The following CELF2 variants were observed in gnomAD, a reference collection of about 807,000 sequenced individuals.
CELF2 encodes the protein CUG triplet repeat RNA-binding protein 2.
CELF2 carries 8 observed loss-of-function variants against 62.6 expected under a neutral mutation model. That is an observed-to-expected ratio of 0.13 (90% CI 0.07 to 0.23). CELF2 has a LOEUF of 0.23. CELF2 is among the 10% of genes least tolerant of loss of function. The pLI is 1.00. For missense variants in CELF2, 333 were observed against 671.0 expected (o/e 0.50, Z 5.56); for synonymous variants, 258 against 250.0 (o/e 1.03, Z -0.30).
Position 11,165,648 on chromosome 10 carries a change from C to G in CELF2, c.237C>G (p.Leu79=). The G allele has an allele frequency of 6.2e-7, 1 of 1,614,064 alleles. No homozygotes were observed. Among genetic ancestry groups the G allele is most frequent in the Non-Finnish European group, 8.5e-7 (1 of 1,179,958 alleles). ...PYGAVYQINV[L]RDRSQNPPQS... ...GAGCCGTCTACCAGATCAACGTCCT[C>G]CGGGACCGGAGTCAGAACCCTCCGC... is the stretch of plus-strand genomic sequence containing the variant. The change falls in exon 2 of 13, where the codon CTC becomes CTG. Residue 79 remains leucine, a synonymous_variant. Transcript: ENST00000633077. This position sits in a 1 kb window ranked among gnomAD's most constrained non-coding sequence, Gnocchi z 7.4.
intron 2 of CELF2, among the ~76,000 whole-genome samples, chr10:11,215,002 T>C (rs1315186059): frequency 6.6e-6 from 1 of 152,216 alleles, no homozygotes; most frequent in Non-Finnish European, 1.5e-5. Context: ...CTTCAATCTG[T>C]CCGTTTCTGA....
In CELF2 at chr10:11,321,669, C is replaced by T. The variant is rs545940800; in HGVS notation, c.1294+283C>T. ...CTGTGACTAGCCACTGCACTCCATT[C>T]GGGGAACACAGACATACCCCTCTCT... On this transcript the variant is annotated intron_variant, in intron 11 of 12. Coordinates refer to ENST00000633077, the MANE Select transcript of CELF2 (RefSeq NM_001326342.2). This position sits in a 1 kb window ranked among gnomAD's most constrained non-coding sequence, Gnocchi z 6.2. Among the ~76,000 whole-genome samples the T allele has an allele frequency of 3.9e-5, 6 of 152,144 alleles. No individual in the cohort carries two copies. The highest frequency in any genetic ancestry group is 2.1e-4 in the South Asian group (1 of 4,832).
chr10:10,752,704 A>AG, the CELF2 span, among the ~76,000 whole-genome samples: 2 of 144,960 alleles, frequency 1.4e-5, no homozygotes, highest in African/African-American at 5.0e-5. Context: ...AAAAAAAAAA[A>AG]AAAGAAAGAA....
chr10:10,905,961 T>G (rs2063310539), intron 1 of CELF2, among the ~76,000 whole-genome samples: 1 of 151,656 alleles, frequency 6.6e-6, no homozygotes, highest in Non-Finnish European at 1.5e-5. Flanking sequence ...GTCCCAGCTA[T>G]CAGGGCACCT....
the CELF2 span, among the ~76,000 whole-genome samples, chr10:10,549,794 G>C: frequency 6.6e-6 from 1 of 152,218 alleles, no homozygotes; most frequent in African/African-American, 2.4e-5. Flanking sequence ...CTGAGGTACT[G>C]AGGGTTAAGA....
At chr10:10,828,701 G>C (rs1340086578) in intron 1 of CELF2, among the ~76,000 whole-genome samples, 1 of 77,656 alleles carries the variant, frequency 1.3e-5, no homozygotes, top group Non-Finnish European at 2.7e-5. Context: ...AAATGGATTT[G>C]GTCACTCATT....
chr10:10,747,021 C>T, the CELF2 span, among the ~76,000 whole-genome samples: 1 of 152,174 alleles, frequency 6.6e-6, no homozygotes, highest in Non-Finnish European at 1.5e-5. Context: ...CTCTGGCTTC[C>T]TTGAAGTAAG....
intron 1 of CELF2, among the ~76,000 whole-genome samples, chr10:11,116,649 G>A (rs1028332423): frequency 1.3e-5 from 2 of 152,232 alleles, no homozygotes; most frequent in African/African-American, 4.8e-5. Flanking sequence ...TGGATGTCCA[G>A]TGGTGGTCCC....
chr10:10,641,235 A>G, the CELF2 span, among the ~76,000 whole-genome samples: 3 of 152,156 alleles, frequency 2.0e-5, no homozygotes, highest in Non-Finnish European at 2.9e-5. Flanking sequence ...TTTACATTCT[A>G]TGGCTCCACT....
rs994023615 is a variant in CELF2 at position 11,101,486 on chromosome 10, G to C, written c.75-64000G>C. 7.9e-5 allele frequency among the ~76,000 whole-genome samples: 12 copies of C among 152,312 alleles called. No individual in the cohort carries two copies. The South Asian group carries it at 2.5e-3, about 32-fold the overall frequency. On this transcript the variant is annotated intron_variant, in intron 1 of 12. Transcript: ENST00000633077. ...CTAGCTCTCAAGACATAGAGCACCA[G>C]GAGAGTGTTAATGTCAAAGAACCCA...
At chr10:11,307,592 A>C in intron 9 of CELF2, among the ~76,000 whole-genome samples, 1 of 152,226 alleles carries the variant, frequency 6.6e-6, no homozygotes, top group Middle Eastern at 3.2e-3. Context: ...TAATCTTTAC[A>C]ATAACCCGGT....
chr10:10,652,770 G>A, the CELF2 span, among the ~76,000 whole-genome samples: 2 of 151,926 alleles, frequency 1.3e-5, no homozygotes, highest in African/African-American at 2.4e-5. Flanking sequence ...GCAAAATCAT[G>A]CCAAAATGTA....
intron 1 of CELF2, among the ~76,000 whole-genome samples, chr10:11,119,091 G>A (rs908500982): frequency 3.3e-5 from 5 of 152,232 alleles, no homozygotes; most frequent in Non-Finnish European, 4.4e-5. Flanking sequence ...GATCAGGACT[G>A]ATGAGTCTTC....
At chr10:10,881,572 T>G (rs2061439385) in intron 1 of CELF2, among the ~76,000 whole-genome samples, 1 of 152,170 alleles carries the variant, frequency 6.6e-6, no homozygotes, top group Admixed American at 6.5e-5. Flanking sequence ...GTAACTCAGA[T>G]TTCCTTTCTT....
At chr10:10,731,192 C>G in the CELF2 span, among the ~76,000 whole-genome samples, 1 of 152,058 alleles carries the variant, frequency 6.6e-6, no homozygotes, top group Non-Finnish European at 1.5e-5. Flanking sequence ...CCAGTCGAAT[C>G]ACTTTTTCCA....
chr10:10,508,990 A>G, the CELF2 span, among the ~76,000 whole-genome samples: 1 of 152,134 alleles, frequency 6.6e-6, no homozygotes, highest in Non-Finnish European at 1.5e-5. Flanking sequence ...TATATTTTCA[A>G]TTAATGCAAT....
intron 1 of CELF2, among the ~76,000 whole-genome samples, chr10:10,915,243 G>C (rs1421248510): frequency 1.3e-5 from 2 of 151,884 alleles, no homozygotes; most frequent in Admixed American, 1.3e-4. Flanking sequence ...TCCAAATACT[G>C]CTATAACTAT....
rs1193257080 is a variant in CELF2, at chr10:11,306,440, T to C, written c.977-7699T>C. Among the ~76,000 whole-genome samples, 1 of 152,078 alleles carries C rather than the reference T, an allele frequency of 6.6e-6. No homozygotes were observed. The highest frequency in any genetic ancestry group is 1.9e-4 in the East Asian group (1 of 5,174). On this transcript the variant is annotated intron_variant, in intron 9 of 12. Transcript: ENST00000633077. This position sits in a 1 kb window ranked among gnomAD's most constrained non-coding sequence, Gnocchi z 4.4. ...GAGTCTGGGTGTTGGTGGCACCGCA[T>C]GTGTCTCTGTCTAAGACCTCTTTCT...
At chr10:10,631,431 A>G in the CELF2 span, among the ~76,000 whole-genome samples, 1 of 152,228 alleles carries the variant, frequency 6.6e-6, no homozygotes, top group South Asian at 2.1e-4. Context: ...AGGTCATGAC[A>G]GTTTGAAAAA....
Sources: gnomAD v4.1 joint callset for allele counts (sites outside exome capture counted in the v4.1 genomes callset) on GRCh38, gnomAD v4.1.1 for gene constraint, Gnocchi (gnomAD v3.1) non-coding constraint, MANE v1.5 for transcripts, NCBI Gene and HGNC (gene_info 2026-07-23, HGNC 2026-07-21) for gene names.